The following GRIN2B variants were observed in gnomAD, a reference collection of about 807,000 sequenced individuals.
The protein encoded by GRIN2B is glutamate receptor ionotropic, NMDA 2B.
A neutral mutation model predicts 114.5 loss-of-function variants in GRIN2B; 5 were observed. That is an observed-to-expected ratio of 0.04 (90% CI 0.02 to 0.09). GRIN2B has a LOEUF of 0.09. Ranked by LOEUF, GRIN2B falls within the 10% of genes least tolerant of loss-of-function variation. GRIN2B has a pLI of 1.00. For missense variants in GRIN2B, 1,108 were observed against 1,943.5 expected, an observed-to-expected ratio of 0.57 and a Z score of 8.08; for synonymous variants, 787 against 745.1, an observed-to-expected ratio of 1.06 and a Z score of -0.92.
At chr12:13,644,622 G>A (rs1329593111) in intron 5 of GRIN2B, among the ~76,000 whole-genome samples, 1 of 152,068 alleles carries the variant, frequency 6.6e-6, no homozygotes, top group Non-Finnish European at 1.5e-5. Context: ...GCCCTAGATG[G>A]CATCTTTTTC....
At chr12:13,941,194 C>T (rs1363605236) in intron 2 of GRIN2B, among the ~76,000 whole-genome samples, 2 of 152,088 alleles carry the variant, frequency 1.3e-5, no homozygotes, top group Non-Finnish European at 2.9e-5. Flanking sequence ...AACAGTACTG[C>T]TAGATATTGA....
intron 2 of GRIN2B, among the ~76,000 whole-genome samples, chr12:13,965,839 A>C (rs192685269): frequency 1.3e-5 from 2 of 152,248 alleles, no homozygotes; most frequent in Non-Finnish European, 2.9e-5. Context: ...AATCTTTTGC[A>C]TGATATGTCA....
At chr12:13,793,474 C>A (rs916051589) in intron 3 of GRIN2B, among the ~76,000 whole-genome samples, 4 of 151,958 alleles carry the variant, frequency 2.6e-5, no homozygotes, top group Non-Finnish European at 4.4e-5. Context: ...AAGAAAATTT[C>A]AGGATGTGCT....
chr12:13,885,779 A>G (rs951988302), intron 2 of GRIN2B, among the ~76,000 whole-genome samples: 2 of 152,252 alleles, frequency 1.3e-5, no homozygotes, highest in African/African-American at 4.8e-5. Flanking sequence ...TTCATTAGAC[A>G]AAGTATTCAT....
chr12:13,872,766 G>C (rs1865932556), intron 2 of GRIN2B, among the ~76,000 whole-genome samples: 1 of 152,084 alleles, frequency 6.6e-6, no homozygotes, highest in South Asian at 2.1e-4. Context: ...TACCTGGTGG[G>C]TACATCCAAT....
chr12:13,959,599 G>T (rs147594181), intron 2 of GRIN2B, among the ~76,000 whole-genome samples: 1 of 152,054 alleles, frequency 6.6e-6, no homozygotes. Flanking sequence ...AGGGAGAACC[G>T]GCTGACATTG....
intron 5 of GRIN2B, among the ~76,000 whole-genome samples, chr12:13,656,374 C>G (rs980196317): frequency 6.6e-6 from 1 of 152,142 alleles, no homozygotes; most frequent in African/African-American, 2.4e-5. Flanking sequence ...GTAGGGAACA[C>G]TGGTGGTGTT....
intron 3 of GRIN2B, among the ~76,000 whole-genome samples, chr12:13,854,217 G>C (rs779855172): frequency 2.6e-5 from 4 of 152,084 alleles, no homozygotes; most frequent in South Asian, 4.1e-4. Flanking sequence ...ACATGCACAT[G>C]AAACAAGAAG....
chr12:13,871,996 C>T (rs1257782719), intron 2 of GRIN2B, among the ~76,000 whole-genome samples: 2 of 152,034 alleles, frequency 1.3e-5, no homozygotes, highest in African/African-American at 4.8e-5. Flanking sequence ...CCCACCAGCC[C>T]ACCCCACCTC....
chr12:13,976,499 G>C (rs1863021730), intron 2 of GRIN2B, among the ~76,000 whole-genome samples: 1 of 152,056 alleles, frequency 6.6e-6, no homozygotes. Flanking sequence ...GGTTTTGTCG[G>C]CCCCAGTCTT....
At chr12:13,834,965 C>T (rs1339313105) in intron 3 of GRIN2B, among the ~76,000 whole-genome samples, 1 of 152,218 alleles carries the variant, frequency 6.6e-6, no homozygotes, top group Non-Finnish European at 1.5e-5. Context: ...CAAGTTTGCG[C>T]ATCTCTGCTC....
intron 2 of GRIN2B, among the ~76,000 whole-genome samples, chr12:13,972,156 G>A (rs2136872892): frequency 6.6e-6 from 1 of 152,270 alleles, no homozygotes; most frequent in South Asian, 2.1e-4. Flanking sequence ...ATCCCTCCCT[G>A]AGAGATTTCA....
At chr12:13,934,841 C>T (rs992560672) in intron 2 of GRIN2B, among the ~76,000 whole-genome samples, 1 of 144,078 alleles carries the variant, frequency 6.9e-6, no homozygotes, top group Non-Finnish European at 1.5e-5. Context: ...CATGTGTGCT[C>T]ATACATCCTC....
chr12:13,689,705 G>C (rs1950199503), intron 4 of GRIN2B, among the ~76,000 whole-genome samples: 1 of 152,108 alleles, frequency 6.6e-6, no homozygotes, highest in African/African-American at 2.4e-5. Context: ...GCACTGCCTA[G>C]AGCCAAAGTC....
intron 2 of GRIN2B, among the ~76,000 whole-genome samples, chr12:13,923,651 T>C (rs1591623778): frequency 6.6e-6 from 1 of 152,182 alleles, no homozygotes; most frequent in African/African-American, 2.4e-5. Context: ...GGGATGAATG[T>C]TCACAATACA....
intron 3 of GRIN2B, among the ~76,000 whole-genome samples, chr12:13,835,771 TAAA>T (rs1165005583): frequency 5.6e-4 from 51 of 91,476 alleles, no homozygotes; most frequent in South Asian, 3.1e-3. Context: ...CATAGCACAT[TAAA>T]AAAAAAAAAA....
At chr12:13,946,955 T>C (rs1001359588) in intron 2 of GRIN2B, among the ~76,000 whole-genome samples, 5 of 152,156 alleles carry the variant, frequency 3.3e-5, no homozygotes, top group Non-Finnish European at 5.9e-5. Context: ...GCGATGCATA[T>C]AGTAAAATTT....
At chr12:13,746,225 G>A (rs1017219003) in intron 4 of GRIN2B, among the ~76,000 whole-genome samples, 17 of 152,092 alleles carry the variant, frequency 1.1e-4, no homozygotes, top group South Asian at 4.2e-4. Context: ...ACTGCACAGC[G>A]CTGGGGATGC....
chr12:13,691,180 T>C (rs1950212910), intron 4 of GRIN2B, among the ~76,000 whole-genome samples: 1 of 152,140 alleles, frequency 6.6e-6, no homozygotes, highest in African/African-American at 2.4e-5. Context: ...TGAGGGTGAA[T>C]AGTTGATATT....
Sources: allele counts gnomAD v4.1 joint callset (sites outside exome capture counted in the v4.1 genomes callset), GRCh38; gene constraint gnomAD v4.1.1; transcripts MANE v1.5; gene names NCBI Gene and HGNC (gene_info 2026-07-23, HGNC 2026-07-21).